UNC5D: variants seen among roughly 807,000 people sequenced by gnomAD.
UNC5D encodes unc-5 netrin receptor D, also known as netrin receptor UNC5D.
In UNC5D, 39 loss-of-function variants were observed where a neutral mutation model predicts 105.4. The observed-to-expected ratio is 0.37, with a 90% CI of 0.29 to 0.48. The LOEUF (loss-of-function observed/expected upper bound fraction) is 0.48, where lower values mean the gene tolerates loss of function less well. UNC5D is among the 20% of genes least tolerant of loss of function. The pLI, the probability that UNC5D is intolerant of heterozygous loss-of-function variation, is 0.98. For synonymous variants in UNC5D, 452 were observed against 450.4 expected, an observed-to-expected ratio of 1.00 and a Z score of -0.04; for missense variants, 991 against 1,202.4, an observed-to-expected ratio of 0.82 and a Z score of 2.60.
Position 35,442,912 on chromosome 8 carries a change from A to T in UNC5D, c.104-106380A>T, listed in dbSNP as rs1022443737. On this transcript the variant is annotated intron_variant, in intron 1 of 16. Coordinates refer to ENST00000404895, the MANE Select transcript of UNC5D (RefSeq NM_080872.4). ...CTCTCTCTCTCTCTCTCTCACACAC[A>T]CACACACACACACACACACACACAA... Among the ~76,000 whole-genome samples the T allele has an allele frequency of 1.3e-3, 189 of 147,652 alleles. 1 individual carries two copies. The South Asian group carries it at 0.013, about 10-fold the overall frequency.
intron 1 of UNC5D, among the ~76,000 whole-genome samples, chr8:35,474,787 A>G (rs996751525): frequency 3.9e-5 from 6 of 152,202 alleles, no homozygotes; most frequent in Non-Finnish European, 8.8e-5. Flanking sequence ...TGGTTGTTGC[A>G]GTAGCTAAGA....
At chr8:35,264,990 T>A (rs185122558) in intron 1 of UNC5D, among the ~76,000 whole-genome samples, 14 of 152,218 alleles carry the variant, frequency 9.2e-5, no homozygotes, top group Non-Finnish European at 1.9e-4. Context: ...TTGAAAACAG[T>A]CATAATAACG....
At chr8:35,606,638 C>T (rs927259944) in intron 4 of UNC5D, among the ~76,000 whole-genome samples, 5 of 152,134 alleles carry the variant, frequency 3.3e-5, no homozygotes, top group African/African-American at 7.2e-5. Flanking sequence ...CATGTGTTCT[C>T]AGTGTTTAGC....
chr8:35,357,494 G>A (rs1167932879), intron 1 of UNC5D, among the ~76,000 whole-genome samples: 1 of 152,048 alleles, frequency 6.6e-6, no homozygotes, highest in African/African-American at 2.4e-5. Context: ...GGATGATGGG[G>A]CCTTCCCTGA....
chr8:35,525,526 C>T, intron 1 of UNC5D: 3 of 1,612,322 alleles, frequency 1.9e-6, no homozygotes, highest in South Asian at 2.2e-5. Flanking sequence ...TTGAGTGAAG[C>T]TAGGGGAGGA....
chr8:35,340,039 C>T lies in UNC5D; in HGVS notation c.103+104152C>T, dbSNP rs181887703. Among the ~76,000 whole-genome samples, 423 of 152,220 alleles carry T rather than the reference C, an allele frequency of 2.8e-3. 4 individuals carry two copies. The highest frequency in any genetic ancestry group is 9.7e-3 in the African/African-American group (401 of 41,530). ...AAAAACTACATGATTGCTATTTTTG[C>T]ATATTATCTCACTGCTCTAAAATTA... On this transcript the variant is annotated intron_variant, in intron 1 of 16. Coordinates refer to ENST00000404895, the MANE Select transcript of UNC5D (RefSeq NM_080872.4).
At chr8:35,771,847 C>A (rs1456134802) in intron 15 of UNC5D, among the ~76,000 whole-genome samples, 1 of 152,166 alleles carries the variant, frequency 6.6e-6, no homozygotes, top group Non-Finnish European at 1.5e-5. Flanking sequence ...TGTCAGAATT[C>A]TAGTTTCACC....
chr8:35,636,246 GGTA>G (rs2131104313), intron 4 of UNC5D, among the ~76,000 whole-genome samples: 1 of 152,232 alleles, frequency 6.6e-6, no homozygotes, highest in African/African-American at 2.4e-5. Context: ...TGTACCTACC[GGTA>G]ATAGTTTCTA....
chr8:35,760,819 T>A (rs908285927), intron 14 of UNC5D, among the ~76,000 whole-genome samples: 4 of 151,930 alleles, frequency 2.6e-5, no homozygotes, highest in Admixed American at 2.0e-4. Context: ...CTTGTCAGAA[T>A]GGGAACAAGC....
intron 1 of UNC5D, among the ~76,000 whole-genome samples, chr8:35,467,899 A>G (rs1809427359): frequency 6.6e-6 from 1 of 152,184 alleles, no homozygotes; most frequent in South Asian, 2.1e-4. Flanking sequence ...TAGATCACCA[A>G]TGACCAATGT....
At chr8:35,769,697 G>C (rs551597654) in intron 15 of UNC5D, among the ~76,000 whole-genome samples, 5 of 152,284 alleles carry the variant, frequency 3.3e-5, no homozygotes, top group African/African-American at 1.2e-4. Flanking sequence ...GGGTGCGGTG[G>C]CTGATGCCTG....
At chr8:35,490,693 A>T (rs1164863447) in intron 1 of UNC5D, among the ~76,000 whole-genome samples, 1 of 152,226 alleles carries the variant, frequency 6.6e-6, no homozygotes, top group African/African-American at 2.4e-5. Flanking sequence ...GTAGACATGG[A>T]TTAAATGTTT....
chr8:35,420,424 C>T (rs1199036107), intron 1 of UNC5D, among the ~76,000 whole-genome samples: 1 of 152,162 alleles, frequency 6.6e-6, no homozygotes, highest in Non-Finnish European at 1.5e-5. Context: ...TAGTGCCTTC[C>T]TGGTGGTTCA....
chr8:35,562,390 G>C (rs1440800987), intron 2 of UNC5D, among the ~76,000 whole-genome samples: 4 of 151,940 alleles, frequency 2.6e-5, no homozygotes, highest in African/African-American at 9.7e-5. Flanking sequence ...TATATTTTTA[G>C]TTTTTCAAGG....
At chr8:35,306,380 TGTA>T (rs1280862167) in intron 1 of UNC5D, among the ~76,000 whole-genome samples, 3 of 152,212 alleles carry the variant, frequency 2.0e-5, no homozygotes, top group Non-Finnish European at 4.4e-5. Context: ...TAAGCATAAT[TGTA>T]GTCATTTTTA....
At chr8:35,298,586 GTTTTTTTTTTT>G (rs35299004) in intron 1 of UNC5D, among the ~76,000 whole-genome samples, 1 of 110,572 alleles carries the variant, frequency 9.0e-6, no homozygotes, top group African/African-American at 3.4e-5. Flanking sequence ...ATTGTTGTAG[GTTTTTTTTTTT>G]TTTTTTTTTT....
At chr8:35,741,846 G>A (rs1181681184) in intron 11 of UNC5D, among the ~76,000 whole-genome samples, 1 of 152,088 alleles carries the variant, frequency 6.6e-6, no homozygotes, top group Non-Finnish European at 1.5e-5. Flanking sequence ...AGAAAATGCA[G>A]GTTCCTGGGC....
chr8:35,758,559 T>C (rs1830617437), intron 13 of UNC5D, among the ~76,000 whole-genome samples: 2 of 152,216 alleles, frequency 1.3e-5, no homozygotes, highest in African/African-American at 4.8e-5. Context: ...TGTTATTCCA[T>C]TTCTTATATC....
At chr8:35,779,238 GCAA>G (rs760398024) in intron 16 of UNC5D, among the ~76,000 whole-genome samples, 1 of 152,176 alleles carries the variant, frequency 6.6e-6, no homozygotes, top group Non-Finnish European at 1.5e-5. Context: ...GTGGTGGGGA[GCAA>G]TGCAGAGGAC....
Sources: gnomAD v4.1 joint callset for allele counts (sites outside exome capture counted in the v4.1 genomes callset) on GRCh38, gnomAD v4.1.1 for gene constraint, MANE v1.5 for transcripts, NCBI Gene and HGNC (gene_info 2026-07-23, HGNC 2026-07-21) for gene names.